Variants in SLC1A4 observed in about 807,000 individuals in gnomAD.
The protein encoded by SLC1A4 is neutral amino acid transporter A.
In SLC1A4, 19 loss-of-function variants were observed where a neutral mutation model predicts 37.7. The ratio of observed to expected loss-of-function variants is 0.50; its 90% confidence interval spans 0.35 to 0.74. The LOEUF (loss-of-function observed/expected upper bound fraction) is 0.74. Ranked by LOEUF, SLC1A4 falls within the 30% of genes least tolerant of loss-of-function variation. The pLI is 0.01. For synonymous variants in SLC1A4, 299 were observed against 309.8 expected (o/e 0.97, Z 0.37); for missense variants, 570 against 712.9 (o/e 0.80, Z 2.28).
chr2:65,004,570 G>T (rs1391165958), intron 3 of SLC1A4, among the ~76,000 whole-genome samples: 2 of 152,028 alleles, frequency 1.3e-5, no homozygotes, highest in African/African-American at 4.8e-5. Flanking sequence ...TTGTAAGTGT[G>T]AGCCTGTGCC....
intron 1 of SLC1A4, chr2:65,000,655 A>C (rs1235430018): frequency 6.6e-6 from 1 of 152,240 alleles, no homozygotes; most frequent in Non-Finnish European, 1.5e-5. Flanking sequence ...ACCACCCCAT[A>C]ATTTACAAGG....
chr2:64,995,382 G>C (rs1178421376), intron 1 of SLC1A4, among the ~76,000 whole-genome samples: 1 of 152,208 alleles, frequency 6.6e-6, no homozygotes, highest in Non-Finnish European at 1.5e-5. Flanking sequence ...CAATATTCTA[G>C]TGTGTCCCAC....
At chr2:65,005,341 T>C (rs1370299897) in intron 3 of SLC1A4, among the ~76,000 whole-genome samples, 5 of 152,216 alleles carry the variant, frequency 3.3e-5, no homozygotes, top group Non-Finnish European at 7.3e-5. Context: ...AACAGTCCCC[T>C]AGTGAATGAT....
chr2:65,020,346 A>C (rs184639834), intron 7 of SLC1A4, among the ~76,000 whole-genome samples: 2 of 152,290 alleles, frequency 1.3e-5, no homozygotes, highest in East Asian at 3.9e-4. Flanking sequence ...AGCTCACTGA[A>C]GCTTTGAACT....
chr2:64,998,437 T>C (rs1673348951), intron 1 of SLC1A4, among the ~76,000 whole-genome samples: 1 of 149,734 alleles, frequency 6.7e-6, no homozygotes, highest in Admixed American at 6.7e-5. Context: ...AAAAAAAAAA[T>C]CTAGGAATGG....
rs1445047006 is a variant in SLC1A4, at chr2:65,018,851, A to G, written c.1364+172A>G. On this transcript the variant is annotated intron_variant, in intron 7 of 7. Transcript: ENST00000234256. The surrounding 1 kb of genome is among the most constrained non-coding windows in gnomAD (Gnocchi z 4.3). ...TTAGAGCTAGGAAAAATTAAACAAT[A>G]TGAGAGTCACATGCCCCCAAACATC... Among the ~76,000 whole-genome samples the G allele has an allele frequency of 6.6e-6, 1 of 152,244 alleles. No individual in the cohort carries two copies. Among genetic ancestry groups the G allele is most frequent in the African/African-American group, 2.4e-5 (1 of 41,468 alleles).
intron 3 of SLC1A4, among the ~76,000 whole-genome samples, chr2:65,008,645 AAAAT>A (rs955128654): frequency 4.4e-4 from 67 of 152,244 alleles, no homozygotes; most frequent in Admixed American, 2.2e-3. Context: ...TGTCTCCAAA[AAAAT>A]AAATAAATAA....
rs760813052 is a variant in SLC1A4 at position 65,018,542 on chromosome 2, T to TA, written c.1230-2dup. The TA allele has an allele frequency of 1.9e-6, 3 of 1,614,010 alleles. No homozygotes were observed. Among genetic ancestry groups the TA allele is most frequent in the Non-Finnish European group, 2.5e-6 (3 of 1,180,018 alleles). On this transcript the variant is annotated splice_polypyrimidine_tract_variant and splice_region_variant and intron_variant, in intron 6 of 7. Transcript: ENST00000234256. The surrounding 1 kb of genome is among the most constrained non-coding windows in gnomAD (Gnocchi z 4.3). Reference sequence around the variant, plus strand: ...TGGCTGGCCCTGCTCTGCCATCCCTTAGAGTGACTGCCACAGCGTCCAGTG... The same window carrying TA: ...TGGCTGGCCCTGCTCTGCCATCCCTTAAGAGTGACTGCCACAGCGTCCAGTG...
Position 64,989,643 on chromosome 2 carries a change from C to A in SLC1A4, c.-1C>A. 2 of 1,516,988 alleles carry A rather than the reference C, an allele frequency of 1.3e-6. No homozygotes were observed. Among genetic ancestry groups the A allele is most frequent in the Non-Finnish European group, 8.8e-7 (1 of 1,140,370 alleles). The allele number at this position is 1,516,988 out of a possible 1,614,324, so 94.0% of individuals were successfully genotyped here. A position where few individuals can be genotyped will look rare whatever the true frequency, so the allele number is the denominator to read the frequency against. ...TCTAGCTCGGAGCGGCGTGTAGCGC[C>A]ATGGAGAAGAGCAACGAGACCAACG... On this transcript the variant is annotated 5_prime_UTR_variant, in exon 1 of 8. Coordinates refer to ENST00000234256, the MANE Select transcript of SLC1A4 (RefSeq NM_003038.5).
Position 65,018,109 on chromosome 2 carries a change from A to G in SLC1A4, c.1073A>G (p.Glu358Gly). Residue 358 changes from glutamate (E) to glycine (G), a missense_variant, in exon 6 of 8, where the codon GAG becomes GGG. Coordinates refer to ENST00000234256, the MANE Select transcript of SLC1A4 (RefSeq NM_003038.5). The surrounding 1 kb of genome is among the most constrained non-coding windows in gnomAD (Gnocchi z 4.3). Reference protein sequence around the residue: ...TLPSMMKCIEENNGVDKRISR... With the variant: ...TLPSMMKCIEGNNGVDKRISR... ...CCCTCTATGATGAAGTGCATTGAAG[A>G]GAACAATGGTGTGGACAAGAGGATC... The G allele has an allele frequency of 6.2e-7, 1 of 1,614,138 alleles. No homozygotes were observed. The highest frequency in any genetic ancestry group is 8.5e-7 in the Non-Finnish European group (1 of 1,180,026).
At chr2:64,995,306 G>A (rs1405658942) in intron 1 of SLC1A4, among the ~76,000 whole-genome samples, 1 of 152,194 alleles carries the variant, frequency 6.6e-6, no homozygotes, top group African/African-American at 2.4e-5. Flanking sequence ...TGTAAAATGA[G>A]ACTAGTGAGA....
intron 1 of SLC1A4, among the ~76,000 whole-genome samples, chr2:64,991,929 G>C (rs1673077990): frequency 6.6e-6 from 1 of 152,164 alleles, no homozygotes; most frequent in Non-Finnish European, 1.5e-5. Flanking sequence ...TTTTTTTAGA[G>C]ATGGGGTTTC....
chr2:65,021,141 C>A lies in SLC1A4; in HGVS notation c.1594C>A (p.Leu532Met), dbSNP rs1482151017. 1.2e-6 allele frequency: 2 copies of A among 1,613,114 alleles called. No individual in the cohort carries two copies. The highest frequency in any genetic ancestry group is 4.5e-5 in the East Asian group (2 of 44,878). The change falls in exon 8 of 8, where the codon CTG (leucine) becomes ATG (methionine). Residue 532 changes from leucine to methionine, a missense_variant. Transcript: ENST00000234256. ...APELESKESV[L>M] The stretch of plus-strand genomic sequence containing the variant: ...AGAACTGGAATCCAAGGAGTCGGTT[C>A]TGTGATGGGGCTGGGCTTTGGGCTT...
chr2:65,017,901 C>T (rs1674220090), intron 5 of SLC1A4, among the ~76,000 whole-genome samples, 170 bp from the exon 6 acceptor site: 1 of 152,190 alleles, frequency 6.6e-6, no homozygotes, highest in Non-Finnish European at 1.5e-5. Context: ...GCCAAAGCCT[C>T]ATGTTGTGAC....
chr2:64,996,561 G>A (rs1277973271), intron 1 of SLC1A4, among the ~76,000 whole-genome samples: 2 of 152,142 alleles, frequency 1.3e-5, no homozygotes, highest in African/African-American at 4.8e-5. Context: ...CTACATCTGG[G>A]CTGTCCAATA....
In SLC1A4 at chr2:65,007,275, TG is replaced by T. The variant is rs398104375; in HGVS notation, c.633+3261del. Among the ~76,000 whole-genome samples the T allele has an allele frequency of 2.0e-3, 150 of 74,658 alleles. 1 individual carries two copies. Among genetic ancestry groups the T allele is most frequent in the Middle Eastern group, 0.013 (2 of 156 alleles). The allele number at this position is 74,658 out of a possible 152,430, so 49.0% of individuals were successfully genotyped here. A position where few individuals can be genotyped will look rare whatever the true frequency, so the allele number is the denominator to read the frequency against. On this transcript the variant is annotated intron_variant, in intron 3 of 7. Transcript: ENST00000234256. ...AATAGATAGGAAGAGTGTGTTTGTG[TG>T]TGTGTGTGTGTGTCTGTGGTGATGG...
chr2:65,010,590 C>T lies in SLC1A4; in HGVS notation c.634-7C>T. ...GTAAACTTGTTCTATCCTCTCTGAT[C>T]CTGCAGATCCCCATAGGCACTGAGA... is the stretch of plus-strand genomic sequence containing the variant. On this transcript the variant is annotated splice_region_variant and splice_polypyrimidine_tract_variant and intron_variant, in intron 3 of 7. Coordinates refer to ENST00000234256, the MANE Select transcript of SLC1A4 (RefSeq NM_003038.5). The T allele has an allele frequency of 6.3e-7, 1 of 1,595,962 alleles. No homozygotes were observed. The highest frequency in any genetic ancestry group is 8.5e-7 in the Non-Finnish European group (1 of 1,172,708).
chr2:64,991,766 A>C (rs1673069143), intron 1 of SLC1A4, among the ~76,000 whole-genome samples: 2 of 151,810 alleles, frequency 1.3e-5, no homozygotes, highest in Non-Finnish European at 2.9e-5. Context: ...ACGCCCGGCT[A>C]ATTTTTTGTA....
intron 1 of SLC1A4, 58 bp from the exon 2 acceptor site, chr2:65,001,390 C>G: frequency 6.6e-7 from 1 of 1,514,152 alleles, no homozygotes; most frequent in Non-Finnish European, 9.2e-7. Context: ...CAACAGGGAC[C>G]TCATCTCTAA....
Sources: allele counts gnomAD v4.1 joint callset (sites outside exome capture counted in the v4.1 genomes callset), GRCh38; gene constraint gnomAD v4.1.1; non-coding constraint Gnocchi (gnomAD v3.1); transcripts MANE v1.5; gene names NCBI Gene and HGNC (gene_info 2026-07-23, HGNC 2026-07-21).